The following DMAP1 variants were observed in gnomAD, a reference collection of about 807,000 sequenced individuals.
DMAP1 encodes DNA methyltransferase 1 associated protein 1, also known as DNA methyltransferase 1-associated protein 1.
Under a neutral mutation model 52.7 loss-of-function variants are expected in DMAP1, and 26 were observed. That is an observed-to-expected ratio of 0.49 (90% CI 0.36 to 0.68). The LOEUF (loss-of-function observed/expected upper bound fraction) is 0.68, where lower values mean the gene tolerates loss of function less well. DMAP1 is among the 30% of genes least tolerant of loss of function. The pLI is 0.00. For synonymous variants in DMAP1, 231 were observed against 246.0 expected (o/e 0.94, Z 0.57); for missense variants, 439 against 625.2 (o/e 0.70, Z 3.18).
Position 44,218,765 on chromosome 1 carries a change from A to T in DMAP1, c.720+10A>T, listed in dbSNP as rs899384322. The T allele has an allele frequency of 1.3e-5, 20 of 1,595,654 alleles. No homozygotes were observed. Among genetic ancestry groups the T allele is most frequent in the Non-Finnish European group, 1.5e-5 (18 of 1,167,566 alleles). On this transcript the variant is annotated intron_variant, in intron 5 of 9. Coordinates refer to ENST00000372289, the MANE Select transcript of DMAP1 (RefSeq NM_019100.5). This position sits in a 1 kb window ranked among gnomAD's most constrained non-coding sequence, Gnocchi z 5.6. Reference sequence around the variant, plus strand: ...CCGGACCCCAGAGCAGGTAAGCCCAAGGCCACATACCTGTCCTCCATGCCC... The same window carrying T: ...CCGGACCCCAGAGCAGGTAAGCCCATGGCCACATACCTGTCCTCCATGCCC...
At position 44,218,049 on chromosome 1, in the gene DMAP1, G is replaced by C. The variant is rs1643829793; in HGVS notation, c.394-262G>C. 1 of 570,934 alleles carries C rather than the reference G, an allele frequency of 1.8e-6. No individual in the cohort carries two copies. The highest frequency in any genetic ancestry group is 1.9e-5 in the African/African-American group (1 of 53,700). The allele number at this position is 570,934 out of a possible 1,614,324, so 35.4% of individuals were successfully genotyped here. Reference sequence around the variant, plus strand: ...GTGGGCCCCTCACCTTAACTATGGGGGCAGGAGTGTGTGTCCCATGACTGA... The same window carrying C: ...GTGGGCCCCTCACCTTAACTATGGGCGCAGGAGTGTGTGTCCCATGACTGA... On this transcript the variant is annotated intron_variant, in intron 3 of 9. Coordinates refer to ENST00000372289, the MANE Select transcript of DMAP1 (RefSeq NM_019100.5). The surrounding 1 kb of genome is among the most constrained non-coding windows in gnomAD (Gnocchi z 5.6).
At position 44,219,231 on chromosome 1, in the gene DMAP1, C is replaced by T. The variant is rs766505833; in HGVS notation, c.896C>T (p.Ala299Val). 7 of 1,613,146 alleles carry T rather than the reference C, an allele frequency of 4.3e-6. No homozygotes were observed. The highest frequency in any genetic ancestry group is 3.3e-5 in the Admixed American group (2 of 59,796). ...AAGAAGCTACCCCAGAAAAAGGAGG[C>T]TGAGAAGCCGGTGCGGAGGTTCCGC... ...PKKKLPQKKE[A>V]EKPAVPETAG... The change falls in exon 6 of 10, where the codon GCT (alanine) becomes GTT (valine). Residue 299 changes from alanine (A) to valine (V), a missense_variant. Physicochemically the swap from Ala to Val is moderately conservative, Grantham distance 64. This residue lies in a region of DMAP1 where 179 missense variants were observed against 285.9 expected (regional missense o/e 0.63). Coordinates refer to ENST00000372289, the MANE Select transcript of DMAP1 (RefSeq NM_019100.5).
chr1:44,215,115 A>G (rs1312649323), intron 3 of DMAP1: 4 of 681,304 alleles, frequency 5.9e-6, no homozygotes, highest in Non-Finnish European at 8.0e-6. Flanking sequence ...CTGGTTTTTC[A>G]TGGCTTTTCT....
chr1:44,219,686 C>T lies in DMAP1; in HGVS notation c.979-120C>T, dbSNP rs1643869793. On this transcript the variant is annotated intron_variant, in intron 7 of 9. Coordinates refer to ENST00000372289, the MANE Select transcript of DMAP1 (RefSeq NM_019100.5). Reference sequence around the variant, plus strand: ...CTTCCTGGCTATTTCCTTTTCTGGCCCATAGTTAACCTCCATGTGTTACCG... The same window carrying T: ...CTTCCTGGCTATTTCCTTTTCTGGCTCATAGTTAACCTCCATGTGTTACCG... The T allele has an allele frequency of 3.1e-6, 4 of 1,308,916 alleles. No homozygotes were observed. In the East Asian group the frequency reaches 9.3e-5, roughly 30 times the overall value. 81.1% of individuals were successfully genotyped at this position (1,308,916 alleles called of 1,614,324 possible).
intron 2 of DMAP1, 93 bp downstream of exon 2, chr1:44,214,534 C>G: frequency 6.2e-7 from 1 of 1,612,920 alleles, no homozygotes; most frequent in Non-Finnish European, 8.5e-7. Context: ...TTTTCTCCTC[C>G]CCAGCAAGGG....
Position 44,218,529 on chromosome 1 carries a change from A to G in DMAP1, c.553-59A>G. The G allele has an allele frequency of 6.2e-7, 1 of 1,608,654 alleles. No individual in the cohort carries two copies. The highest frequency in any genetic ancestry group is 1.7e-5 in the Admixed American group (1 of 59,852). ...TCTGGGTCTAGCAGGCCCTACTTTT[A>G]TGCCATCTCTTCCACATGCCCCTGA... On this transcript the variant is annotated intron_variant, in intron 4 of 9. Coordinates refer to ENST00000372289, the MANE Select transcript of DMAP1 (RefSeq NM_019100.5). This position sits in a 1 kb window ranked among gnomAD's most constrained non-coding sequence, Gnocchi z 5.6.
chr1:44,214,762 A>G lies in DMAP1; in HGVS notation c.257A>G (p.Lys86Arg), dbSNP rs1380616645. Reference sequence around the variant, plus strand: ...CAGGGATACCGTACAGTGAAGGCCAAGTTGGGCTCCAAGAAGGTGCGGCCT... The same window carrying G: ...CAGGGATACCGTACAGTGAAGGCCAGGTTGGGCTCCAAGAAGGTGCGGCCT... ...TGQGYRTVKA[K>R]LGSKKVRPWK... is the part of the protein sequence containing the mutation. Residue 86 changes from lysine to arginine, a missense_variant, in exon 3 of 10, where the codon AAG becomes AGG. Coordinates refer to ENST00000372289, the MANE Select transcript of DMAP1 (RefSeq NM_019100.5). 4.3e-6 allele frequency: 7 copies of G among 1,614,120 alleles called. No individual in the cohort carries two copies. Among genetic ancestry groups the G allele is most frequent in the Non-Finnish European group, 5.9e-6 (7 of 1,179,976 alleles).
At chr1:44,216,019 G>A (rs1304774455) in intron 3 of DMAP1, 1 of 152,212 alleles carries the variant, frequency 6.6e-6, no homozygotes, top group East Asian at 1.9e-4. Flanking sequence ...TATACCCTAT[G>A]TATCAAACTT....
intron 7 of DMAP1, 106 bp from the exon 8 acceptor site, chr1:44,219,700 C>A: frequency 7.2e-7 from 1 of 1,388,898 alleles, no homozygotes; most frequent in South Asian, 1.3e-5. Context: ...AGTTAACCTC[C>A]ATGTGTTACC....
chr1:44,219,649 C>G, intron 7 of DMAP1, 157 bp from the exon 8 acceptor site: 1 of 1,170,074 alleles, frequency 8.5e-7, no homozygotes, highest in Non-Finnish European at 1.2e-6. Flanking sequence ...TAGCAGCTTT[C>G]ACTATATTCA....
Position 44,213,994 on chromosome 1 carries a change from A to T in DMAP1, c.105+136A>T. ...AAAGGGGTGACATAACAGGACAGGG[A>T]ATATGTGTCATCCTTGATGGGAGGG... On this transcript the variant is annotated intron_variant, in intron 1 of 9. Transcript: ENST00000372289. The surrounding 1 kb of genome is among the most constrained non-coding windows in gnomAD (Gnocchi z 4.5). 1 of 814,204 alleles carries T rather than the reference A, an allele frequency of 1.2e-6. No individual in the cohort carries two copies. The highest frequency in any genetic ancestry group is 2.0e-6 in the Non-Finnish European group (1 of 500,864). 50.4% of individuals were successfully genotyped at this position (814,204 alleles called of 1,614,324 possible).
Position 44,214,451 on chromosome 1 carries a change from G to A in DMAP1, c.197+10G>A. ...TCTACTCTGACAAGAAGCAAGTATTGGAGTCCCAAGTCCCCCAGGTTTTGG... is the reference window on the plus strand; with the variant it reads ...TCTACTCTGACAAGAAGCAAGTATTAGAGTCCCAAGTCCCCCAGGTTTTGG... On this transcript the variant is annotated intron_variant, in intron 2 of 9. Transcript: ENST00000372289. 2 of 1,613,994 alleles carry A rather than the reference G, an allele frequency of 1.2e-6. No individual in the cohort carries two copies. Among genetic ancestry groups the A allele is most frequent in the Non-Finnish European group, 1.7e-6 (2 of 1,179,928 alleles).
intron 3 of DMAP1, chr1:44,215,463 C>T (rs1298579631): frequency 5.2e-6 from 2 of 380,974 alleles, no homozygotes; most frequent in East Asian, 1.5e-4. Context: ...CTCCCTTAGT[C>T]CTCACAGTAT....
rs1430944727 is a variant in DMAP1, at chr1:44,218,401, G to C, written c.484G>C (p.Asp162His). 1.9e-6 allele frequency: 3 copies of C among 1,614,088 alleles called. No homozygotes were observed. The highest frequency in any genetic ancestry group is 3.3e-5 in the Admixed American group (2 of 60,010). Residue 162 changes from aspartate to histidine, a missense_variant, in exon 4 of 10, where the codon GAC (aspartate) becomes CAC (histidine). This residue lies in a region of DMAP1 where 142 missense variants were observed against 149.5 expected (regional missense o/e 0.95). Transcript: ENST00000372289. This position sits in a 1 kb window ranked among gnomAD's most constrained non-coding sequence, Gnocchi z 5.6. ...WTKAETDHLF[D>H]LSRRFDLRFV... ...TAAGGCAGAAACTGACCACCTCTTTGACCTCAGCCGCCGCTTTGACCTGCG... is the reference window on the plus strand; with the variant it reads ...TAAGGCAGAAACTGACCACCTCTTTCACCTCAGCCGCCGCTTTGACCTGCG...
chr1:44,220,149 A>T lies in DMAP1; in HGVS notation c.1184A>T (p.His395Leu), dbSNP rs749417435. The change falls in exon 9 of 10, where the codon CAT becomes CTT. Residue 395 changes from histidine to leucine, a missense_variant. Physicochemically the swap from His to Leu is moderately conservative, Grantham distance 99. Around this residue, in one of 3 missense-constraint regions of DMAP1, gnomAD observed 179 missense variants for 285.9 expected, o/e 0.63. Transcript: ENST00000372289. ...EYELQMLRHRHEALARAGVLG... is the reference protein window; with the variant it reads ...EYELQMLRHRLEALARAGVLG... The stretch of plus-strand genomic sequence containing the variant: ...GAGCTGCAGATGCTGCGGCACCGTC[A>T]TGAGGCACTGGCCCGGGCTGGTGTG... 1.4e-5 allele frequency: 23 copies of T among 1,612,528 alleles called. No homozygotes were observed. Among genetic ancestry groups the T allele is most frequent in the Non-Finnish European group, 2.0e-5 (23 of 1,179,102 alleles).
At chr1:44,219,697 C>A in intron 7 of DMAP1, 109 bp from the exon 8 acceptor site, 1 of 1,378,074 alleles carries the variant, frequency 7.3e-7, no homozygotes. Context: ...CATAGTTAAC[C>A]TCCATGTGTT....
At position 44,218,612 on chromosome 1, in the gene DMAP1, G is replaced by C. The variant is rs763741160; in HGVS notation, c.577G>C (p.Glu193Gln). ...GAAGCGTTCTGTGGAAGACCTGAAG[G>C]AGCGGTACTACCACATCTGTGCTAA... Reference protein sequence around the residue: ...FKKRSVEDLKERYYHICAKLA... With the variant: ...FKKRSVEDLKQRYYHICAKLA... Residue 193 changes from glutamate (E) to glutamine (Q), a missense_variant, in exon 5 of 10, where the codon GAG (glutamate) becomes CAG (glutamine). Around this residue, in one of 3 missense-constraint regions of DMAP1, gnomAD observed 142 missense variants for 149.5 expected, o/e 0.95. Transcript: ENST00000372289. This position sits in a 1 kb window ranked among gnomAD's most constrained non-coding sequence, Gnocchi z 5.6. The C allele has an allele frequency of 1.9e-6, 3 of 1,612,080 alleles. No individual in the cohort carries two copies. The highest frequency in any genetic ancestry group is 2.5e-6 in the Non-Finnish European group (3 of 1,178,374).
Position 44,213,682 on chromosome 1 carries a change from C to T in DMAP1, c.-72C>T, listed in dbSNP as rs1643728220. On this transcript the variant is annotated 5_prime_UTR_variant, in exon 1 of 10. Transcript: ENST00000372289. The surrounding 1 kb of genome is among the most constrained non-coding windows in gnomAD (Gnocchi z 4.5). ...GCTTAGGTCTGGATTGGCCCCGCCC[C>T]CTGACCTGAGCCTGGTCCTTCTTCA... 6.9e-7 allele frequency: 1 copy of T among 1,451,662 alleles called. No homozygotes were observed. The highest frequency in any genetic ancestry group is 2.5e-5 in the East Asian group (1 of 40,410). 89.9% of individuals were successfully genotyped at this position (1,451,662 alleles called of 1,614,324 possible). A position where few individuals can be genotyped will look rare whatever the true frequency, so the allele number is the denominator to read the frequency against.
chr1:44,219,907 T>C, intron 8 of DMAP1, 29 bp downstream of exon 8: 1 of 1,613,692 alleles, frequency 6.2e-7, no homozygotes, highest in Non-Finnish European at 8.5e-7. Flanking sequence ...CCCCATAGGG[T>C]GTACCCACCC....
Sources: allele counts gnomAD v4.1 joint callset, GRCh38; gene constraint gnomAD v4.1.1; regional missense constraint gnomAD v4.1.1; non-coding constraint Gnocchi (gnomAD v3.1); transcripts MANE v1.5; gene names NCBI Gene and HGNC (gene_info 2026-07-23, HGNC 2026-07-21).